Variants in IRAG1 observed in about 807,000 individuals in gnomAD.
The protein encoded by IRAG1 is inositol 1,4,5-triphosphate receptor associated 1, also known as IP3R-associated cGMP kinase substrate.
In IRAG1, 62 loss-of-function variants were observed where a neutral mutation model predicts 106.2. That is an observed-to-expected ratio of 0.58 (90% CI 0.48 to 0.72). The LOEUF (loss-of-function observed/expected upper bound fraction) is 0.72, where lower values mean the gene tolerates loss of function less well. Ranked by LOEUF, IRAG1 falls within the 30% of genes least tolerant of loss-of-function variation. The pLI is 0.00. For missense variants in IRAG1, 1,064 were observed against 1,140.7 expected (o/e 0.93, Z 0.97); for synonymous variants, 462 against 443.9 (o/e 1.04, Z -0.51).
At chr11:10,587,230 A>C (rs1591549882) in intron 18 of IRAG1, among the ~76,000 whole-genome samples, 1 of 152,240 alleles carries the variant, frequency 6.6e-6, no homozygotes, top group African/African-American at 2.4e-5. Context: ...CTATTTAGTC[A>C]AAATATATTT....
At chr11:10,603,371 T>A in intron 13 of IRAG1, 120 bp from the exon 14 acceptor site, 1 of 1,119,352 alleles carries the variant, frequency 8.9e-7, no homozygotes, top group Non-Finnish European at 1.3e-6. Context: ...ACAAACCTGG[T>A]GGGGGCGATG....
intron 1 of IRAG1, among the ~76,000 whole-genome samples, chr11:10,658,872 T>C (rs1859165088): frequency 6.8e-6 from 1 of 146,830 alleles, no homozygotes; most frequent in African/African-American, 2.6e-5. Flanking sequence ...CCGTGCTCAG[T>C]CCTAGGTCTG....
chr11:10,599,320 T>G (rs1207289756), intron 15 of IRAG1, among the ~76,000 whole-genome samples: 1 of 152,220 alleles, frequency 6.6e-6, no homozygotes, highest in Admixed American at 6.5e-5. Flanking sequence ...GTCTGTAGAA[T>G]GAACGAATGA....
In IRAG1 at chr11:10,592,215, C is replaced by T. The variant is rs561714521; in HGVS notation, c.2176-603G>A. Among the ~76,000 whole-genome samples the T allele has an allele frequency of 7.9e-4, 121 of 152,282 alleles. 1 individual carries two copies. The highest frequency in any genetic ancestry group is 1.6e-3 in the Non-Finnish European group (109 of 68,024). On this transcript the variant is annotated intron_variant, in intron 17 of 20. Coordinates refer to ENST00000423302, the MANE Select transcript of IRAG1 (RefSeq NM_130385.4). ...GTTTTAAAAAAGTATCGATCCACTCCAGAATCTTGGTGTGGGGCCTGGGGG... is the reference window on the plus strand; with the variant it reads ...GTTTTAAAAAAGTATCGATCCACTCTAGAATCTTGGTGTGGGGCCTGGGGG...
intron 10 of IRAG1, among the ~76,000 whole-genome samples, chr11:10,620,797 G>T (rs1193401212): frequency 6.6e-6 from 1 of 152,134 alleles, no homozygotes; most frequent in Non-Finnish European, 1.5e-5. Context: ...TGATTCTCAA[G>T]TCTGAACACT....
rs200465036 is a variant in IRAG1 at position 10,612,468 on chromosome 11, T to A, written c.1448-2617A>T. Among the ~76,000 whole-genome samples, 18 of 151,894 alleles carry A rather than the reference T, an allele frequency of 1.2e-4. No individual in the cohort carries two copies. In the East Asian group the frequency reaches 3.1e-3, roughly 26 times the overall value. ...AACAAAACAAACACAAAATATACAATCCTCAACTAAAGCACTAAAGGGAAG... is the reference window on the plus strand; with the variant it reads ...AACAAAACAAACACAAAATATACAAACCTCAACTAAAGCACTAAAGGGAAG... On this transcript the variant is annotated intron_variant, in intron 10 of 20. Coordinates refer to ENST00000423302, the MANE Select transcript of IRAG1 (RefSeq NM_130385.4).
At chr11:10,587,052 C>G (rs917384382) in intron 18 of IRAG1, among the ~76,000 whole-genome samples, 2 of 152,182 alleles carry the variant, frequency 1.3e-5, no homozygotes, top group African/African-American at 4.8e-5. Context: ...TGTGCCCACC[C>G]TAGGGATTTC....
chr11:10,627,812 T>C, intron 7 of IRAG1, 52 bp from the exon 8 acceptor site: 1 of 1,612,074 alleles, frequency 6.2e-7, no homozygotes. Context: ...AGACCGTGTT[T>C]CCTCTTGAAA....
intron 10 of IRAG1, among the ~76,000 whole-genome samples, chr11:10,613,664 T>C (rs767173568): frequency 2.4e-4 from 36 of 152,186 alleles, no homozygotes; most frequent in Non-Finnish European, 4.4e-4. Flanking sequence ...ACCTTAATGA[T>C]GTACAAAGAA....
chr11:10,597,437 C>T (rs541557345), intron 15 of IRAG1, among the ~76,000 whole-genome samples: 2 of 152,306 alleles, frequency 1.3e-5, no homozygotes, highest in South Asian at 4.1e-4. Flanking sequence ...GCGATCCTCC[C>T]ACCTTAGCCT....
In IRAG1 at chr11:10,626,111, T is replaced by G. The variant is rs1345280396; in HGVS notation, c.1223A>C (p.Lys408Thr). Residue 408 changes from lysine to threonine, a missense_variant, in exon 9 of 21, where the codon AAA (lysine) becomes ACA (threonine). Physicochemically the swap from Lys to Thr is moderately conservative, Grantham distance 78. Transcript: ENST00000423302. ...GPEEPGPRLQ[K>T]VLAKLPLAEE... ...TGCCAGTGGCAGCTTGGCAAGCACTTTCTGCAGCCGGGGGCCAGGTTCTTC... is the reference window on the plus strand; with the variant it reads ...TGCCAGTGGCAGCTTGGCAAGCACTGTCTGCAGCCGGGGGCCAGGTTCTTC... 1 of 1,546,358 alleles carries G rather than the reference T, an allele frequency of 6.5e-7. No homozygotes were observed. Among genetic ancestry groups the G allele is most frequent in the Non-Finnish European group, 8.7e-7 (1 of 1,145,860 alleles).
chr11:10,580,404 T>C (rs1851269327), intron 20 of IRAG1, 51 bp downstream of exon 20: 1 of 1,586,296 alleles, frequency 6.3e-7, no homozygotes, highest in Admixed American at 1.9e-5. Flanking sequence ...ATTAGATGAA[T>C]TGTAACCCCC....
chr11:10,655,884 T>A (rs529122758), intron 1 of IRAG1, among the ~76,000 whole-genome samples: 1 of 152,292 alleles, frequency 6.6e-6, no homozygotes, highest in Non-Finnish European at 1.5e-5. Context: ...GTAGAGTGGA[T>A]GCTTGCTGAG....
chr11:10,622,371 G>A (rs1855899849), intron 10 of IRAG1, among the ~76,000 whole-genome samples: 1 of 152,146 alleles, frequency 6.6e-6, no homozygotes, highest in Non-Finnish European at 1.5e-5. Context: ...GAAGAGCCAG[G>A]AGCCTGGCCT....
intron 18 of IRAG1, among the ~76,000 whole-genome samples, chr11:10,587,041 C>T (rs571513296): frequency 6.6e-5 from 10 of 152,336 alleles, no homozygotes; most frequent in African/African-American, 1.9e-4. Context: ...TGAGCACAGC[C>T]TGTGCCCACC....
intron 10 of IRAG1, among the ~76,000 whole-genome samples, chr11:10,611,032 T>C (rs905527761): frequency 1.3e-5 from 2 of 152,192 alleles, no homozygotes; most frequent in Non-Finnish European, 2.9e-5. Context: ...CTGGGAATCA[T>C]GTGAATAGAA....
intron 1 of IRAG1, among the ~76,000 whole-genome samples, chr11:10,687,277 G>A (rs887183829): frequency 2.0e-5 from 3 of 152,194 alleles, no homozygotes; most frequent in Admixed American, 6.5e-5. Context: ...AGAGTGCCAC[G>A]CTCTTCCACA....
Position 10,626,202 on chromosome 11 carries a change from C to T in IRAG1, c.1132G>A (p.Ala378Thr), listed in dbSNP as rs922635304. 3 of 1,577,490 alleles carry T rather than the reference C, an allele frequency of 1.9e-6. No homozygotes were observed. Among genetic ancestry groups the T allele is most frequent in the Middle Eastern group, 1.7e-4 (1 of 5,852 alleles). ...CGGGACACAGTGGGTGGAAGCTCAG[C>T]TTTGGAGCCAGCCTCGGGCCCCATC... ...EPMGPEAGSK[A>T]ELPPTVSRPP... is the part of the protein sequence containing the mutation. Residue 378 changes from alanine to threonine, a missense_variant, in exon 9 of 21, where the codon GCT becomes ACT. Ala to Thr is a moderately conservative substitution (Grantham distance 58). Coordinates refer to ENST00000423302, the MANE Select transcript of IRAG1 (RefSeq NM_130385.4).
intron 15 of IRAG1, among the ~76,000 whole-genome samples, chr11:10,600,170 AT>A (rs1278153024): frequency 6.6e-6 from 1 of 152,166 alleles, no homozygotes; most frequent in Non-Finnish European, 1.5e-5. Flanking sequence ...ACAAGATACC[AT>A]CCCTCTTTGA....
Sources: allele counts gnomAD v4.1 joint callset (sites outside exome capture counted in the v4.1 genomes callset), GRCh38; gene constraint gnomAD v4.1.1; transcripts MANE v1.5; gene names NCBI Gene and HGNC (gene_info 2026-07-23, HGNC 2026-07-21).